Variants in PTPRD observed in about 807,000 individuals in gnomAD.
PTPRD encodes the protein receptor-type tyrosine-protein phosphatase delta.
A neutral mutation model predicts 214.5 loss-of-function variants in PTPRD; 34 were observed. The ratio of observed to expected loss-of-function variants is 0.16; its 90% confidence interval spans 0.12 to 0.21. The LOEUF (loss-of-function observed/expected upper bound fraction) is 0.21, where lower values mean the gene tolerates loss of function less well. Among genes scored for constraint, PTPRD ranks in the 10% least tolerant of loss-of-function variants. PTPRD has a pLI of 1.00. For synonymous variants in PTPRD, 1,128 were observed against 845.7 expected, an observed-to-expected ratio of 1.33 and a Z score of -5.79; for missense variants, 2,545 against 2,398.7, an observed-to-expected ratio of 1.06 and a Z score of -1.27.
intron 5 of PTPRD, among the ~76,000 whole-genome samples, chr9:9,857,861 A>G (rs2061854527): frequency 6.6e-6 from 1 of 152,242 alleles, no homozygotes; most frequent in Non-Finnish European, 1.5e-5. Context: ...GGTTGAAGAA[A>G]GAGAACATTA....
intron 8 of PTPRD, among the ~76,000 whole-genome samples, chr9:9,510,353 T>C (rs72706518): frequency 2.0e-5 from 3 of 151,724 alleles, no homozygotes; most frequent in Non-Finnish European, 4.4e-5. Context: ...ATTCTTTTAG[T>C]TTTTATCAGC....
At chr9:9,664,219 TCTGA>T (rs1335754715) in intron 7 of PTPRD, among the ~76,000 whole-genome samples, 3 of 151,582 alleles carry the variant, frequency 2.0e-5, no homozygotes, top group South Asian at 2.1e-4. Context: ...AGGTATGGGT[TCTGA>T]CTATTTATAT....
chr9:10,244,684 T>C (rs1036868298), intron 3 of PTPRD, among the ~76,000 whole-genome samples: 11 of 152,122 alleles, frequency 7.2e-5, no homozygotes, highest in Admixed American at 6.6e-5. Context: ...CTTGAAAATA[T>C]AATGGCCCAT....
chr9:8,331,587 A>G lies in PTPRD; in HGVS notation c.5529T>C (p.His1843=), dbSNP rs147553155. The change falls in exon 44 of 46, where the codon CAT becomes CAC. Residue 1843 remains histidine (H), a synonymous_variant. Coordinates refer to ENST00000381196, the MANE Select transcript of PTPRD (RefSeq NM_002839.4). The part of the protein sequence containing the change: ...QFGQDGPISV[H]CSAGVGRTGV... ...ATTCACAAATGGAAACTTACCTGCAATGGACTGAAATGGGTCCATCTTGGC... is the reference window on the plus strand; with the variant it reads ...ATTCACAAATGGAAACTTACCTGCAGTGGACTGAAATGGGTCCATCTTGGC... 9.5e-7 allele frequency: 1 copy of G among 1,054,358 alleles called. No homozygotes were observed. Among genetic ancestry groups the G allele is most frequent in the Non-Finnish European group, 1.2e-6 (1 of 822,074 alleles). The allele number at this position is 1,054,358 out of a possible 1,614,324, so 65.3% of individuals were successfully genotyped here.
chr9:9,936,432 C>T (rs2089439269), intron 5 of PTPRD, among the ~76,000 whole-genome samples: 1 of 151,660 alleles, frequency 6.6e-6, no homozygotes. Context: ...ACAGACACTT[C>T]TCAAAAGAAG....
Position 8,374,010 on chromosome 9 carries a change from T to G in PTPRD, c.4661+1926A>C, listed in dbSNP as rs189816527. Among the ~76,000 whole-genome samples, 130 of 151,792 alleles carry G rather than the reference T, an allele frequency of 8.6e-4. 1 individual carries two copies. The highest frequency in any genetic ancestry group is 8.5e-3 in the Admixed American group (129 of 15,172). On this transcript the variant is annotated intron_variant, in intron 39 of 45. Coordinates refer to ENST00000381196, the MANE Select transcript of PTPRD (RefSeq NM_002839.4). ...AAAGCACAGATTCTGTATTTTGAAA[T>G]GCAATGTGAAAAAAATCATCATGCT... is the stretch of plus-strand genomic sequence containing the variant.
intron 7 of PTPRD, among the ~76,000 whole-genome samples, chr9:9,609,526 A>T (rs1055511103): frequency 3.9e-5 from 6 of 152,164 alleles, no homozygotes; most frequent in Admixed American, 2.6e-4. Context: ...GCAGTGGTGC[A>T]ATCTTGGTTC....
chr9:8,731,501 T>C (rs1174003834), intron 12 of PTPRD, among the ~76,000 whole-genome samples: 1 of 152,224 alleles, frequency 6.6e-6, no homozygotes, highest in African/African-American at 2.4e-5. Flanking sequence ...TTATATATGA[T>C]AGTGAATAAA....
At chr9:8,608,578 C>T (rs1195867971) in intron 14 of PTPRD, among the ~76,000 whole-genome samples, 4 of 151,370 alleles carry the variant, frequency 2.6e-5, no homozygotes, top group African/African-American at 7.3e-5. Context: ...TTGACCCATC[C>T]CCTGCTCCAG....
intron 12 of PTPRD, chr9:8,713,712 C>A: frequency 1.3e-6 from 2 of 1,509,894 alleles, no homozygotes; most frequent in Non-Finnish European, 9.1e-7. Context: ...AGATCGCGGC[C>A]AGCAAGTGAC....
chr9:10,022,570 A>T lies in PTPRD; in HGVS notation c.-472+11148T>A, dbSNP rs984490166. On this transcript the variant is annotated intron_variant, in intron 4 of 45. Transcript: ENST00000381196. Reference sequence around the variant, plus strand: ...ACATTTCAGCAAGTAACTGGAAAGAAAATAAGGCCAAAAGGCACTTGTAGT... The same window carrying T: ...ACATTTCAGCAAGTAACTGGAAAGATAATAAGGCCAAAAGGCACTTGTAGT... Among the ~76,000 whole-genome samples the T allele has an allele frequency of 7.9e-5, 12 of 152,232 alleles. 1 individual carries two copies. The highest frequency in any genetic ancestry group is 1.5e-5 in the Non-Finnish European group (1 of 68,044).
intron 10 of PTPRD, among the ~76,000 whole-genome samples, chr9:9,142,396 A>G (rs1461274915): frequency 6.6e-6 from 1 of 152,190 alleles, no homozygotes; most frequent in African/African-American, 2.4e-5. Flanking sequence ...ATTCTTACAA[A>G]TATATTTTCT....
chr9:8,977,354 T>C (rs2099273547), intron 11 of PTPRD, among the ~76,000 whole-genome samples: 1 of 152,136 alleles, frequency 6.6e-6, no homozygotes, highest in South Asian at 2.1e-4. Flanking sequence ...CTTAAAGTCC[T>C]GACCTGGGAT....
intron 7 of PTPRD, among the ~76,000 whole-genome samples, chr9:9,595,318 T>A (rs2093218760): frequency 1.3e-5 from 1 of 75,638 alleles, no homozygotes; most frequent in East Asian, 2.9e-4. Context: ...ATATTATATA[T>A]ATTTTATATA....
chr9:8,374,239 T>C (rs1248376918), intron 39 of PTPRD, among the ~76,000 whole-genome samples: 2 of 151,710 alleles, frequency 1.3e-5, no homozygotes, highest in Non-Finnish European at 2.9e-5. Context: ...GGCCAAACTC[T>C]ATCTGAAAAC....
At chr9:10,271,063 G>A (rs1452238299) in intron 3 of PTPRD, among the ~76,000 whole-genome samples, 1 of 151,994 alleles carries the variant, frequency 6.6e-6, no homozygotes, top group Non-Finnish European at 1.5e-5. Flanking sequence ...GGCCTCAAGT[G>A]ATCTTTTGTT....
intron 12 of PTPRD, among the ~76,000 whole-genome samples, chr9:8,696,926 T>C (rs1296097961): frequency 6.6e-6 from 1 of 152,098 alleles, no homozygotes; most frequent in South Asian, 2.1e-4. Context: ...AAAGAGATGA[T>C]ACCTTGAACT....
At chr9:9,188,808 T>TTGTGTG (rs5896310) in intron 9 of PTPRD, among the ~76,000 whole-genome samples, 2 of 148,398 alleles carry the variant, frequency 1.3e-5, no homozygotes, top group South Asian at 2.2e-4. Context: ...GCAAAATAAA[T>TTGTGTG]TGTGTGTGTG....
intron 11 of PTPRD, among the ~76,000 whole-genome samples, chr9:8,866,818 C>A (rs1464763901): frequency 1.3e-5 from 2 of 152,042 alleles, no homozygotes; most frequent in Non-Finnish European, 2.9e-5. Context: ...CATATGAATA[C>A]TACTTCCATT....
Sources: allele counts gnomAD v4.1 joint callset (sites outside exome capture counted in the v4.1 genomes callset), GRCh38; gene constraint gnomAD v4.1.1; transcripts MANE v1.5; gene names NCBI Gene and HGNC (gene_info 2026-07-23, HGNC 2026-07-21).